The following CASP9 variants were observed in gnomAD, a reference collection of about 807,000 sequenced individuals.
CASP9 encodes the protein caspase 9.
In CASP9, 29 loss-of-function variants were observed where a neutral mutation model predicts 43.5. That is an observed-to-expected ratio of 0.67 (90% CI 0.50 to 0.91). The LOEUF (loss-of-function observed/expected upper bound fraction) is 0.91. Among genes scored for constraint, CASP9 ranks in the 40% least tolerant of loss-of-function variants. The pLI is 0.00. For missense variants in CASP9, 575 were observed against 537.4 expected (o/e 1.07, Z -0.69); for synonymous variants, 206 against 211.9 (o/e 0.97, Z 0.24).
intron 1 of CASP9, among the ~76,000 whole-genome samples, 195 bp from the exon 2 acceptor site, chr1:15,518,590 C>A (rs888255093): frequency 2.0e-5 from 3 of 152,214 alleles, no homozygotes; most frequent in African/African-American, 7.2e-5. Context: ...AGATGCCCAG[C>A]ACTATGCTAA....
chr1:15,504,089 C>T (rs958715328), intron 6 of CASP9, among the ~76,000 whole-genome samples: 2 of 152,212 alleles, frequency 1.3e-5, no homozygotes, highest in African/African-American at 4.8e-5. Context: ...TCAAGCAATC[C>T]TCCTGCCTCG....
At chr1:15,511,327 T>C (rs1042800823) in intron 2 of CASP9, among the ~76,000 whole-genome samples, 1 of 152,098 alleles carries the variant, frequency 6.6e-6, no homozygotes, top group Non-Finnish European at 1.5e-5. Flanking sequence ...TCTCAACTCA[T>C]TGCAAACTTT....
At chr1:15,494,048 C>A (rs775099027) in intron 7 of CASP9, 47 bp from the exon 8 acceptor site, 2 of 1,539,146 alleles carry the variant, frequency 1.3e-6, no homozygotes, top group Non-Finnish European at 1.7e-6. Flanking sequence ...CACCCCTCCG[C>A]CGGCTCCCCA....
Position 15,515,519 on chromosome 1 carries a change from A to G in CASP9, c.418+2591T>C, listed in dbSNP as rs186598907. 2.5e-4 allele frequency among the ~76,000 whole-genome samples: 38 copies of G among 152,360 alleles called. No homozygotes were observed. In the East Asian group the frequency reaches 5.2e-3, roughly 21 times the overall value. On this transcript the variant is annotated intron_variant, in intron 2 of 8. Coordinates refer to ENST00000333868, the MANE Select transcript of CASP9 (RefSeq NM_001229.5). ...AAAGCCCCAACTGAAAACAACCCAC[A>G]TGTCCATCAATAGGAAAATGGTTAA...
intron 3 of CASP9, among the ~76,000 whole-genome samples, chr1:15,507,425 C>T (rs1337480575): frequency 1.3e-5 from 2 of 152,318 alleles, no homozygotes; most frequent in Admixed American, 1.3e-4. Context: ...TCTCCCCAGG[C>T]TCAGTCCCCT....
intron 3 of CASP9, among the ~76,000 whole-genome samples, chr1:15,507,412 C>T (rs978531245): frequency 1.3e-5 from 2 of 152,168 alleles, no homozygotes; most frequent in African/African-American, 2.4e-5. Flanking sequence ...CCCAAGGCTG[C>T]CCTCTCCCCA....
intron 3 of CASP9, chr1:15,507,278 G>A (rs1709563774): frequency 5.1e-6 from 3 of 592,218 alleles, no homozygotes; most frequent in Admixed American, 6.1e-5. Context: ...TTAAGGGAAG[G>A]GAGCTGGTAA....
chr1:15,509,226 C>T (rs1033075998), intron 2 of CASP9, among the ~76,000 whole-genome samples: 4 of 152,122 alleles, frequency 2.6e-5, no homozygotes, highest in African/African-American at 9.7e-5. Flanking sequence ...ACTGTATGTC[C>T]GTGTCCTAGT....
rs776370188 is a variant in CASP9, at chr1:15,516,201, TAA to T, written c.418+1907_418+1908del. Among the ~76,000 whole-genome samples the T allele has an allele frequency of 1.2e-3, 149 of 127,184 alleles. 1 individual carries two copies. Among genetic ancestry groups the T allele is most frequent in the African/African-American group, 2.5e-3 (85 of 33,886 alleles). The allele number at this position is 127,184 out of a possible 152,430, so 83.4% of individuals were successfully genotyped here. ...TGGGTGACAGAGCGAGACTCCCTCTTAAAAAAAAAAAAAAAAAATGGCCAGGG... is the reference window on the plus strand; with the variant it reads ...TGGGTGACAGAGCGAGACTCCCTCTTAAAAAAAAAAAAAAAATGGCCAGGG... On this transcript the variant is annotated intron_variant, in intron 2 of 8. Coordinates refer to ENST00000333868, the MANE Select transcript of CASP9 (RefSeq NM_001229.5).
At chr1:15,505,910 G>A (rs1349490560) in intron 5 of CASP9, 80 bp downstream of exon 5, 1 of 1,115,736 alleles carries the variant, frequency 9.0e-7, no homozygotes, top group Non-Finnish European at 1.4e-6. Flanking sequence ...TTGGACACAA[G>A]AAGGGACATG....
At chr1:15,493,744 G>A in intron 8 of CASP9, 148 bp downstream of exon 8, 1 of 1,519,484 alleles carries the variant, frequency 6.6e-7, no homozygotes, top group Non-Finnish European at 8.8e-7. Flanking sequence ...AGACACAAAA[G>A]TGCCGACTCC....
chr1:15,521,966 T>C (rs1570879550), intron 1 of CASP9, among the ~76,000 whole-genome samples: 5 of 152,304 alleles, frequency 3.3e-5, no homozygotes, highest in Admixed American at 3.3e-4. Flanking sequence ...AGACCTACAG[T>C]GCCACTGAGA....
chr1:15,518,898 G>A (rs534942020), intron 1 of CASP9, among the ~76,000 whole-genome samples: 17 of 151,366 alleles, frequency 1.1e-4, no homozygotes, highest in Admixed American at 2.0e-4. Flanking sequence ...TTCTTGAGAC[G>A]GAGTCTCACT....
rs2103374632 is a variant in CASP9 at position 15,518,265 on chromosome 1, A to G, written c.263T>C (p.Phe88Ser). ...EDTGQDMLAS[F>S]LRTNRQAAKL... ...TGCTGCTTGCCTGTTAGTTCGCAGA[A>G]ACGAAGCCAGCATGTCCTGGCCTGT... The change falls in exon 2 of 9, where the codon TTT (phenylalanine) becomes TCT (serine). Residue 88 changes from phenylalanine to serine, a missense_variant. Transcript: ENST00000333868. 4 of 1,614,206 alleles carry G rather than the reference A, an allele frequency of 2.5e-6. No homozygotes were observed. In the East Asian group the frequency reaches 8.9e-5, roughly 36 times the overall value.
intron 1 of CASP9, among the ~76,000 whole-genome samples, 161 bp downstream of exon 1, chr1:15,523,908 T>G (rs946642363): frequency 3.9e-5 from 6 of 152,222 alleles, no homozygotes; most frequent in Admixed American, 3.3e-4. Context: ...GAGTATGGCA[T>G]GGAATCGCTT....
chr1:15,500,866 C>G (rs1709300441), intron 6 of CASP9, among the ~76,000 whole-genome samples: 1 of 138,620 alleles, frequency 7.2e-6, no homozygotes, highest in Non-Finnish European at 1.5e-5. Context: ...TGAGAAGAGA[C>G]AGCAGATCAG....
Position 15,507,880 on chromosome 1 carries a change from G to T in CASP9, c.446C>A (p.Ala149Glu). The T allele has an allele frequency of 6.2e-7, 1 of 1,614,096 alleles. No individual in the cohort carries two copies. The highest frequency in any genetic ancestry group is 8.5e-7 in the Non-Finnish European group (1 of 1,179,970). The change falls in exon 3 of 9, where the codon GCA becomes GAA. Residue 149 changes from alanine to glutamate, a missense_variant. Coordinates refer to ENST00000333868, the MANE Select transcript of CASP9 (RefSeq NM_001229.5). ...AATTTCATGGAGACTCACCAAATCT[G>T]CATTTCCCCTCAAACTCTCAAGAGC... Reference protein sequence around the residue: ...VGALESLRGNADLAYILSMEP... With the variant: ...VGALESLRGNEDLAYILSMEP...
upstream of CASP9, chr1:15,524,263 C>G: frequency 6.6e-7 from 1 of 1,516,828 alleles, no homozygotes. Flanking sequence ...GCCGCCCGCC[C>G]CAGTCCCCAG....
intron 4 of CASP9, among the ~76,000 whole-genome samples, chr1:15,506,576 C>T (rs909379548): frequency 2.6e-5 from 4 of 152,146 alleles, no homozygotes; most frequent in African/African-American, 9.7e-5. Flanking sequence ...GTAATAGCCA[C>T]CATTTTTGGG....
Sources: allele counts gnomAD v4.1 joint callset (sites outside exome capture counted in the v4.1 genomes callset), GRCh38; gene constraint gnomAD v4.1.1; transcripts MANE v1.5; gene names NCBI Gene and HGNC (gene_info 2026-07-23, HGNC 2026-07-21).